Variants in NGLY1 observed in about 807,000 individuals in gnomAD.
The protein encoded by NGLY1 is N-glycanase 1, also known as peptide-N(4)-(N-acetyl-beta-glucosaminyl)asparagine amidase.
In NGLY1, 68 loss-of-function variants were observed where a neutral mutation model predicts 84.6. That is an observed-to-expected ratio of 0.80 (90% CI 0.66 to 0.98). The LOEUF (loss-of-function observed/expected upper bound fraction) is 0.98. Ranked by LOEUF, NGLY1 falls within the 50% of genes least tolerant of loss-of-function variation. NGLY1 has a pLI of 0.00. For missense variants in NGLY1, 779 were observed against 770.2 expected (o/e 1.01, Z -0.14); for synonymous variants, 280 against 275.2 (o/e 1.02, Z -0.17).
chr3:25,782,213 C>T lies in NGLY1; in HGVS notation c.131+1047G>A, dbSNP rs181155229. On this transcript the variant is annotated intron_variant, in intron 1 of 11. Transcript: ENST00000280700. ...ATATTACTGACATGGATTTTAAAAA[C>T]TGCACATGTAACTAATGTCTAAAAT... is the stretch of plus-strand genomic sequence containing the variant. Among the ~76,000 whole-genome samples, 17 of 152,268 alleles carry T rather than the reference C, an allele frequency of 1.1e-4. No homozygotes were observed. The East Asian group carries it at 3.3e-3, about 29-fold the overall frequency.
chr3:25,723,387 T>C (rs898199199), intron 10 of NGLY1, among the ~76,000 whole-genome samples: 7 of 152,184 alleles, frequency 4.6e-5, no homozygotes, highest in Non-Finnish European at 8.8e-5. Flanking sequence ...AGGTCTCTTA[T>C]GTTAAAGAAC....
intron 2 of NGLY1, among the ~76,000 whole-genome samples, chr3:25,767,760 T>C (rs1429023887): frequency 6.6e-6 from 1 of 152,136 alleles, no homozygotes; most frequent in South Asian, 2.1e-4. Context: ...TAGATATCCA[T>C]ATGCAGAGGA....
chr3:25,783,513 CG>C (rs568950106), upstream of NGLY1: 5 of 1,013,664 alleles, frequency 4.9e-6, no homozygotes, highest in African/African-American at 1.9e-5. This position sits in a 1 kb window ranked among gnomAD's most constrained non-coding sequence, Gnocchi z 4.5. Flanking sequence ...CCGGCAGGGG[CG>C]GGGTCCTCGG....
intron 2 of NGLY1, among the ~76,000 whole-genome samples, chr3:25,777,460 CTT>C (rs1337020988): frequency 1.3e-5 from 2 of 149,734 alleles, no homozygotes; most frequent in African/African-American, 4.9e-5. Context: ...AAGTCTAAGT[CTT>C]TTGCCACATT....
At chr3:25,756,783 T>C (rs1263343903) in intron 3 of NGLY1, among the ~76,000 whole-genome samples, 13 of 152,188 alleles carry the variant, frequency 8.5e-5, no homozygotes, top group Non-Finnish European at 1.5e-4. Flanking sequence ...AAGACACTAA[T>C]GGTTCTCCAT....
chr3:25,765,836 G>A (rs950264462), intron 2 of NGLY1, among the ~76,000 whole-genome samples: 1 of 151,832 alleles, frequency 6.6e-6, no homozygotes, highest in East Asian at 1.9e-4. Flanking sequence ...GGGCTCAAGC[G>A]ATCTTCCATC....
chr3:25,744,069 C>T lies in NGLY1; in HGVS notation c.659-4270G>A, dbSNP rs185567766. On this transcript the variant is annotated intron_variant, in intron 4 of 11. Transcript: ENST00000280700. Reference sequence around the variant, plus strand: ...ACCATCTTCAAAAATACCATATAAACGTAGATTTCTAGTAACTTATCAGTG... The same window carrying T: ...ACCATCTTCAAAAATACCATATAAATGTAGATTTCTAGTAACTTATCAGTG... Among the ~76,000 whole-genome samples the T allele has an allele frequency of 5.3e-5, 8 of 152,226 alleles. No homozygotes were observed. The East Asian group carries it at 5.8e-4, about 11-fold the overall frequency.
Position 25,783,211 on chromosome 3 carries a change from C to G in NGLY1, c.131+49G>C. On this transcript the variant is annotated intron_variant, in intron 1 of 11. Transcript: ENST00000280700. The surrounding 1 kb of genome is among the most constrained non-coding windows in gnomAD (Gnocchi z 4.5). Reference sequence around the variant, plus strand: ...CCCAGTCCCTGGCCGAACAAGGTGCCGCGGCCCACCCACCCCGGTACCCGC... The same window carrying G: ...CCCAGTCCCTGGCCGAACAAGGTGCGGCGGCCCACCCACCCCGGTACCCGC... 6.4e-7 allele frequency: 1 copy of G among 1,552,566 alleles called. No homozygotes were observed. Among genetic ancestry groups the G allele is most frequent in the Non-Finnish European group, 8.8e-7 (1 of 1,131,494 alleles).
intron 3 of NGLY1, among the ~76,000 whole-genome samples, chr3:25,754,111 G>T (rs890996770): frequency 6.6e-6 from 1 of 152,116 alleles, no homozygotes; most frequent in Non-Finnish European, 1.5e-5. Flanking sequence ...CAAAAAGCAA[G>T]TAGTCTATGG....
chr3:25,777,327 G>A (rs747971554), intron 2 of NGLY1, among the ~76,000 whole-genome samples: 8 of 142,564 alleles, frequency 5.6e-5, no homozygotes, highest in South Asian at 2.2e-4. Flanking sequence ...TCCAGGAGGC[G>A]AAGGTTGTGG....
intron 3 of NGLY1, among the ~76,000 whole-genome samples, chr3:25,752,479 C>T (rs1559544986): frequency 6.6e-6 from 1 of 152,014 alleles, no homozygotes; most frequent in Non-Finnish European, 1.5e-5. Flanking sequence ...CTCAGCCTCC[C>T]AAAGTGCTGG....
Position 25,736,112 on chromosome 3 carries a change from C to CTG in NGLY1, c.1039_1040dup (p.Gln347HisfsTer22). 1.2e-6 allele frequency: 2 copies of CTG among 1,613,886 alleles called. No individual in the cohort carries two copies. On this transcript the variant is annotated frameshift_variant, in exon 7 of 12. Coordinates refer to ENST00000280700, the MANE Select transcript of NGLY1 (RefSeq NM_018297.4). LOFTEE classifies it high-confidence loss of function. The stretch of plus-strand genomic sequence containing the variant: ...CACATGCATCACAGTGCAGCCACCG[C>CTG]TGCTGAGAAGGAGAATAGACTTCTG...
intron 2 of NGLY1, 136 bp from the exon 3 acceptor site, chr3:25,764,447 A>T: frequency 1.0e-6 from 1 of 978,456 alleles, no homozygotes. Context: ...TTTTCTTACC[A>T]TTATGGTTCT....
chr3:25,773,840 A>G (rs1385650376), intron 2 of NGLY1, among the ~76,000 whole-genome samples: 2 of 152,182 alleles, frequency 1.3e-5, no homozygotes, highest in Non-Finnish European at 2.9e-5. Flanking sequence ...CCCTTCCTCT[A>G]GGAATGGGGC....
chr3:25,729,318 T>C lies in NGLY1; in HGVS notation c.1426A>G (p.Arg476Gly). 1.5e-6 allele frequency: 2 copies of C among 1,368,840 alleles called. No homozygotes were observed. The highest frequency in any genetic ancestry group is 9.6e-7 in the Non-Finnish European group (1 of 1,046,350). The allele number at this position is 1,368,840 out of a possible 1,614,324, so 84.8% of individuals were successfully genotyped here. ...RVARGEMGLQ[R>G]KETLFIPCEN... ...CAGGGAATAAACAAGGTTTCTTTTC[T>C]CTTAAAAAGAAAGCAGAATTAGTTT... The change falls in exon 10 of 12, where the codon AGA (arginine) becomes GGA (glycine). Residue 476 changes from arginine to glycine, a missense_variant and splice_region_variant. Physicochemically the swap from Arg to Gly is moderately radical, Grantham distance 125 (BLOSUM62 -2). Coordinates refer to ENST00000280700, the MANE Select transcript of NGLY1 (RefSeq NM_018297.4).
At chr3:25,772,540 T>C (rs1707945165) in intron 2 of NGLY1, among the ~76,000 whole-genome samples, 1 of 152,186 alleles carries the variant, frequency 6.6e-6, no homozygotes, top group Admixed American at 6.5e-5. Flanking sequence ...CTTTATGTAT[T>C]AAGTGAGTCT....
chr3:25,779,303 T>C (rs1708304996), intron 1 of NGLY1, among the ~76,000 whole-genome samples: 1 of 152,194 alleles, frequency 6.6e-6, no homozygotes, highest in African/African-American at 2.4e-5. Context: ...TTTACCATAA[T>C]TAAGATTTTG....
In NGLY1 at chr3:25,783,425, G is replaced by A. The variant is rs1377567118; in HGVS notation, c.-35C>T. The A allele has an allele frequency of 6.6e-7, 1 of 1,515,364 alleles. No homozygotes were observed. Among genetic ancestry groups the A allele is most frequent in the South Asian group, 1.2e-5 (1 of 81,914 alleles). The allele number at this position is 1,515,364 out of a possible 1,614,324, so 93.9% of individuals were successfully genotyped here. On this transcript the variant is annotated 5_prime_UTR_variant, in exon 1 of 12. Coordinates refer to ENST00000280700, the MANE Select transcript of NGLY1 (RefSeq NM_018297.4). This position sits in a 1 kb window ranked among gnomAD's most constrained non-coding sequence, Gnocchi z 4.5. Reference sequence around the variant, plus strand: ...CCAGCGGGCGCCGCCGCCGCCCCTCGCTCTCCGCGTCCCACACTGAGCAGG... The same window carrying A: ...CCAGCGGGCGCCGCCGCCGCCCCTCACTCTCCGCGTCCCACACTGAGCAGG...
intron 5 of NGLY1, among the ~76,000 whole-genome samples, 173 bp from the exon 6 acceptor site, chr3:25,737,628 C>T (rs539353834): frequency 6.6e-5 from 10 of 151,690 alleles, no homozygotes; most frequent in East Asian, 1.9e-4. Flanking sequence ...CTGCAACCTC[C>T]GCCTCCCAGG....
Sources: gnomAD v4.1 joint callset for allele counts (sites outside exome capture counted in the v4.1 genomes callset) on GRCh38, gnomAD v4.1.1 for gene constraint, Gnocchi (gnomAD v3.1) non-coding constraint, MANE v1.5 for transcripts, NCBI Gene and HGNC (gene_info 2026-07-23, HGNC 2026-07-21) for gene names.